IFNLR1: variants seen among roughly 807,000 people sequenced by gnomAD.
IFNLR1 encodes the protein interferon lambda receptor 1.
Under a neutral mutation model 52.5 loss-of-function variants are expected in IFNLR1, and 28 were observed. That is an observed-to-expected ratio of 0.53 (90% CI 0.40 to 0.73). The LOEUF (loss-of-function observed/expected upper bound fraction) is 0.73. Among genes scored for constraint, IFNLR1 ranks in the 30% least tolerant of loss-of-function variants. IFNLR1 has a pLI of 0.00. For missense variants in IFNLR1, 623 were observed against 659.1 expected (o/e 0.95, Z 0.60); for synonymous variants, 276 against 274.9 (o/e 1.00, Z -0.04).
In IFNLR1 at chr1:24,157,616, G is replaced by A. The variant is rs895467233; in HGVS notation, c.1077C>T (p.His359=). 140 of 1,606,954 alleles carry A rather than the reference G, an allele frequency of 8.7e-5. No individual in the cohort carries two copies. Among genetic ancestry groups the A allele is most frequent in the Non-Finnish European group, 1.2e-4 (136 of 1,176,814 alleles). ...FLGQEHQAPG[H]SEAGGVDSGR... ...CTGAGTCCACCCCACCAGCCTCCGA[G>A]TGCCCTGGAGCCTGGTGCTCTTGCC... Residue 359 remains histidine (H), a synonymous_variant, in exon 7 of 7, where the codon CAC becomes CAT. Coordinates refer to ENST00000327535, the MANE Select transcript of IFNLR1 (RefSeq NM_170743.4). This position sits in a 1 kb window ranked among gnomAD's most constrained non-coding sequence, Gnocchi z 5.1.
At chr1:24,169,741 G>T in intron 2 of IFNLR1, 140 bp from the exon 3 acceptor site, 1 of 842,500 alleles carries the variant, frequency 1.2e-6, no homozygotes, top group Non-Finnish European at 1.8e-6. Flanking sequence ...GCCACTGGCT[G>T]AGACAGGATA....
At chr1:24,180,022 C>G (rs184986907) in intron 2 of IFNLR1, among the ~76,000 whole-genome samples, 279 of 152,248 alleles carry the variant, frequency 1.8e-3, no homozygotes, top group African/African-American at 6.6e-3. Context: ...TTTGGCCAAG[C>G]GCGGTGGCTT....
rs767401741 is a variant in IFNLR1 at position 24,187,223 on chromosome 1, G to A, written c.26C>T (p.Pro9Leu). 1 of 1,294,170 alleles carries A rather than the reference G, an allele frequency of 7.7e-7. No homozygotes were observed. Among genetic ancestry groups the A allele is most frequent in the Non-Finnish European group, 9.8e-7 (1 of 1,020,710 alleles). 80.2% of individuals were successfully genotyped at this position (1,294,170 alleles called of 1,614,324 possible). Residue 9 changes from proline to leucine, a missense_variant, in exon 1 of 7, where the codon CCC becomes CTC. Physicochemically the swap from Pro to Leu is moderately conservative, Grantham distance 98 (BLOSUM62 -3). Coordinates refer to ENST00000327535, the MANE Select transcript of IFNLR1 (RefSeq NM_170743.4). ...GGCCTGCAGCAGGCACAGGAGCAGG[G>A]GGCCCCAGCGCTCGGGCCCCGCCAT... MAGPERWGPLLLCLLQAAP... is the reference protein window; with the variant it reads MAGPERWGLLLLCLLQAAP...
chr1:24,168,541 T>C (rs888897658), intron 3 of IFNLR1, among the ~76,000 whole-genome samples: 5 of 151,942 alleles, frequency 3.3e-5, no homozygotes, highest in Non-Finnish European at 7.4e-5. Flanking sequence ...GAGTCTCAGG[T>C]TGATGGAAAT....
intron 2 of IFNLR1, among the ~76,000 whole-genome samples, chr1:24,174,804 G>T (rs1335462319): frequency 6.6e-6 from 1 of 151,950 alleles, no homozygotes; most frequent in African/African-American, 2.4e-5. Context: ...TATATGAAAA[G>T]AATTGGTAAG....
At chr1:24,180,909 G>A (rs1298058726) in intron 1 of IFNLR1, 55 bp from the exon 2 acceptor site, 2 of 1,583,792 alleles carry the variant, frequency 1.3e-6, no homozygotes, top group African/African-American at 2.7e-5. Context: ...TCTTGACTCA[G>A]GCCATCCCAA....
Position 24,156,992 on chromosome 1 carries a change from GCTAGGTGGA to G in IFNLR1, c.*129_*137del, listed in dbSNP as rs1027896929. 1 of 945,642 alleles carries G rather than the reference GCTAGGTGGA, an allele frequency of 1.1e-6. No homozygotes were observed. The highest frequency in any genetic ancestry group is 1.6e-6 in the Non-Finnish European group (1 of 628,278). 58.6% of individuals were successfully genotyped at this position (945,642 alleles called of 1,614,324 possible). A position where few individuals can be genotyped will look rare whatever the true frequency, so the allele number is the denominator to read the frequency against. On this transcript the variant is annotated 3_prime_UTR_variant, in exon 7 of 7. Coordinates refer to ENST00000327535, the MANE Select transcript of IFNLR1 (RefSeq NM_170743.4). Reference sequence around the variant, plus strand: ...TGCTCAGCCCGACAGGCAAACAGCCGCTAGGTGGACTTCCCGGAAGTGCAATGCCCCTCC... The same window carrying G: ...TGCTCAGCCCGACAGGCAAACAGCCGCTTCCCGGAAGTGCAATGCCCCTCC...
Position 24,157,427 on chromosome 1 carries a change from T to C in IFNLR1, c.1266A>G (p.Gln422=). Residue 422 remains glutamine, a synonymous_variant, in exon 7 of 7, where the codon CAA becomes CAG. Coordinates refer to ENST00000327535, the MANE Select transcript of IFNLR1 (RefSeq NM_170743.4). The surrounding 1 kb of genome is among the most constrained non-coding windows in gnomAD (Gnocchi z 5.1). Reference sequence around the variant, plus strand: ...AGAATTCAGGTGGTGGGAGAGATTCTTGGTGCCCATCCCCACCCGGCCCTT... The same window carrying C: ...AGAATTCAGGTGGTGGGAGAGATTCCTGGTGCCCATCCCCACCCGGCCCTT... The part of the protein sequence containing the change: ...PGQGPGGDGH[Q]ESLPPPEFSK... The C allele has an allele frequency of 6.2e-7, 1 of 1,614,160 alleles. No homozygotes were observed. Among genetic ancestry groups the C allele is most frequent in the Non-Finnish European group, 8.5e-7 (1 of 1,180,018 alleles).
intron 3 of IFNLR1, 136 bp downstream of exon 3, chr1:24,169,281 G>C (rs1644552720): frequency 1.3e-6 from 1 of 768,684 alleles, no homozygotes; most frequent in Non-Finnish European, 2.1e-6. Flanking sequence ...ATCTCAAAGG[G>C]CCTGGCCCAG....
intron 1 of IFNLR1, 143 bp downstream of exon 1, chr1:24,187,048 G>C (rs1644745827): frequency 4.5e-6 from 2 of 448,144 alleles, no homozygotes; most frequent in East Asian, 7.2e-5. Context: ...AGCAAACTGG[G>C]GGCGCGTAGG....
intron 1 of IFNLR1, 113 bp from the exon 2 acceptor site, chr1:24,180,967 A>T (rs1258076345): frequency 9.0e-7 from 1 of 1,113,980 alleles, no homozygotes; most frequent in African/African-American, 1.6e-5. Flanking sequence ...GAGTTTGAGG[A>T]ACCAGGAGCC....
chr1:24,157,364 A>G lies in IFNLR1; in HGVS notation c.1329T>C (p.Asp443=). The G allele has an allele frequency of 6.2e-7, 1 of 1,614,156 alleles. No individual in the cohort carries two copies. Among genetic ancestry groups the G allele is most frequent in the Non-Finnish European group, 8.5e-7 (1 of 1,180,016 alleles). Residue 443 remains aspartate (D), a synonymous_variant, in exon 7 of 7, where the codon GAT becomes GAC. Transcript: ENST00000327535. The surrounding 1 kb of genome is among the most constrained non-coding windows in gnomAD (Gnocchi z 5.1). ...DSGFLEELPE[D]NLSSWATWGT... ...CCCAGGTGGCCCAGGAGGAGAGGTT[A>G]TCTTCTGGGAGCTCTTCCAGGAAAC...
In IFNLR1 at chr1:24,157,619, C is replaced by T. The variant is rs143084792; in HGVS notation, c.1074G>A (p.Gly358=). ...SFLGQEHQAP[G]HSEAGGVDSG... ...AGTCCACCCCACCAGCCTCCGAGTG[C>T]CCTGGAGCCTGGTGCTCTTGCCCCA... Residue 358 remains glycine, a synonymous_variant, in exon 7 of 7, where the codon GGG becomes GGA. Transcript: ENST00000327535. The surrounding 1 kb of genome is among the most constrained non-coding windows in gnomAD (Gnocchi z 5.1). The T allele has an allele frequency of 3.6e-5, 58 of 1,607,732 alleles. 1 individual carries two copies. The African/African-American group carries it at 6.7e-4, about 19-fold the overall frequency.
At chr1:24,179,762 G>C (rs912749542) in intron 2 of IFNLR1, among the ~76,000 whole-genome samples, 3 of 152,098 alleles carry the variant, frequency 2.0e-5, no homozygotes, top group Admixed American at 2.0e-4. Flanking sequence ...TTAGCACTTG[G>C]CCTGGCACAG....
intron 2 of IFNLR1, among the ~76,000 whole-genome samples, chr1:24,170,159 A>G (rs1644564922): frequency 6.6e-6 from 1 of 152,236 alleles, no homozygotes; most frequent in Non-Finnish European, 1.5e-5. Flanking sequence ...TTGGAAGCAG[A>G]GAGCCGCCCT....
chr1:24,169,647 C>T (rs749794030), intron 2 of IFNLR1, 46 bp from the exon 3 acceptor site: 41 of 1,565,412 alleles, frequency 2.6e-5, no homozygotes, highest in South Asian at 5.9e-5. Context: ...TCAGCCTCTC[C>T]GGGTCAGGGA....
chr1:24,186,339 T>C (rs1384751488), intron 1 of IFNLR1, among the ~76,000 whole-genome samples: 2 of 152,174 alleles, frequency 1.3e-5, no homozygotes, highest in East Asian at 3.8e-4. Context: ...TTCCCTGAAT[T>C]GCTCTGAGCC....
Position 24,157,613 on chromosome 1 carries a change from C to T in IFNLR1, c.1080G>A (p.Ser360=), listed in dbSNP as rs4298678. Residue 360 remains serine (S), a synonymous_variant, in exon 7 of 7, where the codon TCG becomes TCA. Transcript: ENST00000327535. This position sits in a 1 kb window ranked among gnomAD's most constrained non-coding sequence, Gnocchi z 5.1. ...TCCCTGAGTCCACCCCACCAGCCTCCGAGTGCCCTGGAGCCTGGTGCTCTT... is the reference window on the plus strand; with the variant it reads ...TCCCTGAGTCCACCCCACCAGCCTCTGAGTGCCCTGGAGCCTGGTGCTCTT... ...LGQEHQAPGH[S]EAGGVDSGRP... The T allele has an allele frequency of 1.1e-5, 18 of 1,608,558 alleles. No homozygotes were observed. The highest frequency in any genetic ancestry group is 8.5e-6 in the Non-Finnish European group (10 of 1,177,544).
In IFNLR1 at chr1:24,155,033, G is replaced by A. The variant is rs1569608560; in HGVS notation, c.*2097C>T. ...GAAGTTACCTCCACGAAGCAGCTCGGCTGGTGCCAGAGAGAACATCGGTAC... is the reference window on the plus strand; with the variant it reads ...GAAGTTACCTCCACGAAGCAGCTCGACTGGTGCCAGAGAGAACATCGGTAC... On this transcript the variant is annotated 3_prime_UTR_variant, in exon 7 of 7. Coordinates refer to ENST00000327535, the MANE Select transcript of IFNLR1 (RefSeq NM_170743.4). 6.6e-6 allele frequency: 1 copy of A among 152,218 alleles called. No homozygotes were observed. The highest frequency in any genetic ancestry group is 2.1e-4 in the South Asian group (1 of 4,830). The allele number at this position is 152,218 out of a possible 1,614,324, so 9.4% of individuals were successfully genotyped here.
Sources: gnomAD v4.1 joint callset for allele counts (sites outside exome capture counted in the v4.1 genomes callset) on GRCh38, gnomAD v4.1.1 for gene constraint, Gnocchi (gnomAD v3.1) non-coding constraint, MANE v1.5 for transcripts, NCBI Gene and HGNC (gene_info 2026-07-23, HGNC 2026-07-21) for gene names.